The following FER1L6 variants were observed in gnomAD, a reference collection of about 807,000 sequenced individuals.
FER1L6 encodes the protein fer-1-like protein 6.
A neutral mutation model predicts 219.2 loss-of-function variants in FER1L6; 177 were observed. That is an observed-to-expected ratio of 0.81 (90% confidence interval 0.71 to 0.91). The LOEUF (loss-of-function observed/expected upper bound fraction) is 0.91, where lower values mean the gene tolerates loss of function less well. FER1L6 is among the 40% of genes least tolerant of loss of function. FER1L6 has a pLI of 0.00. For synonymous variants in FER1L6, 768 were observed against 824.3 expected (o/e 0.93, Z 1.17); for missense variants, 2,153 against 2,259.9 (o/e 0.95, Z 0.96).
chr8:124,015,588 T>TAC lies in FER1L6; in HGVS notation c.1923-2039_1923-2038insCA, dbSNP rs56775341. On this transcript the variant is annotated intron_variant, in intron 15 of 40. Coordinates refer to ENST00000522917, the MANE Select transcript of FER1L6 (RefSeq NM_001039112.2). ...TATAAAAGCTATATATATATATATA[T>TAC]ATATATATATATATATATATATATA... Among the ~76,000 whole-genome samples the TAC allele has an allele frequency of 5.6e-3, 469 of 84,398 alleles. 11 individuals are homozygous for TAC. The highest frequency in any genetic ancestry group is 0.026 in the African/African-American group (426 of 16,512). 55.4% of individuals were successfully genotyped at this position (84,398 alleles called of 152,430 possible). A position where few individuals can be genotyped will look rare whatever the true frequency, so the allele number is the denominator to read the frequency against.
chr8:124,039,965 T>G lies in FER1L6; in HGVS notation c.2548T>G (p.Phe850Val), dbSNP rs748158389. 2 of 1,614,088 alleles carry G rather than the reference T, an allele frequency of 1.2e-6. No individual in the cohort carries two copies. Among genetic ancestry groups the G allele is most frequent in the Non-Finnish European group, 1.7e-6 (2 of 1,179,990 alleles). ...AADSNGLSDP[F>V]AKVTFLSHCQ... ...TGACAGCAATGGACTTTCAGACCCT[T>G]TTGCCAAAGTCACGTTCCTTTCTCA... Residue 850 changes from phenylalanine (F) to valine (V), a missense_variant, in exon 20 of 41, where the codon TTT becomes GTT. Coordinates refer to ENST00000522917, the MANE Select transcript of FER1L6 (RefSeq NM_001039112.2).
chr8:123,936,587 A>C (rs1008725243), intron 1 of FER1L6, among the ~76,000 whole-genome samples: 1 of 150,630 alleles, frequency 6.6e-6, no homozygotes, highest in African/African-American at 2.5e-5. Context: ...AGTTGTTAAG[A>C]GGGTAACTAT....
intron 1 of FER1L6, among the ~76,000 whole-genome samples, chr8:123,887,880 G>T (rs1442377642): frequency 6.6e-6 from 1 of 152,144 alleles, no homozygotes; most frequent in African/African-American, 2.4e-5. Context: ...AAAATAGAAA[G>T]TTGAAAAAGT....
chr8:123,970,507 C>T (rs1300173910), intron 6 of FER1L6, among the ~76,000 whole-genome samples: 3 of 152,014 alleles, frequency 2.0e-5, no homozygotes, highest in Non-Finnish European at 2.9e-5. Flanking sequence ...ATCTCCTCCT[C>T]CTAGTTGGGT....
chr8:123,927,867 C>A (rs1586475680), intron 1 of FER1L6, among the ~76,000 whole-genome samples: 1 of 152,318 alleles, frequency 6.6e-6, no homozygotes, highest in East Asian at 1.9e-4. Flanking sequence ...TCCCTTCTTG[C>A]AACTTTATAT....
intron 24 of FER1L6, among the ~76,000 whole-genome samples, chr8:124,061,010 C>T (rs1019185698): frequency 2.0e-5 from 3 of 152,212 alleles, no homozygotes; most frequent in African/African-American, 7.2e-5. Flanking sequence ...TGCTCATTCT[C>T]AGGCCCGGCT....
At chr8:123,887,113 T>C (rs1166672903) in intron 1 of FER1L6, among the ~76,000 whole-genome samples, 2 of 152,164 alleles carry the variant, frequency 1.3e-5, no homozygotes, top group Non-Finnish European at 2.9e-5. Context: ...TTTCCTGAGT[T>C]CCTGTTTTCC....
intron 1 of FER1L6, 58 bp from the exon 2 acceptor site, chr8:123,955,934 C>G (rs916428895): frequency 6.7e-7 from 1 of 1,496,826 alleles, no homozygotes. Flanking sequence ...TTTACCTTCT[C>G]CTAACACGTC....
intron 38 of FER1L6, 21 bp from the exon 39 acceptor site, chr8:124,103,125 G>A: frequency 6.2e-7 from 1 of 1,610,332 alleles, no homozygotes; most frequent in Non-Finnish European, 8.5e-7. Context: ...TTCCCTAACT[G>A]TTAGGGTCAT....
At chr8:124,060,426 C>A in intron 23 of FER1L6, 122 bp from the exon 24 acceptor site, 1 of 1,459,496 alleles carries the variant, frequency 6.9e-7, no homozygotes, top group Non-Finnish European at 9.4e-7. Flanking sequence ...CTGTGCAGTT[C>A]TTTCCTGGAG....
Position 124,060,178 on chromosome 8 carries a change from A to G in FER1L6, c.2875-2A>G. On this transcript the variant is annotated splice_acceptor_variant, in intron 22 of 40. Coordinates refer to ENST00000522917, the MANE Select transcript of FER1L6 (RefSeq NM_001039112.2). LOFTEE classifies it high-confidence loss of function. ...CTAACTCATACTTGCCTTGTGCGGT[A>G]GGTTCCTCCTTCTGGGCTGCAAGGC... 1 of 1,612,344 alleles carries G rather than the reference A, an allele frequency of 6.2e-7. No homozygotes were observed. Among genetic ancestry groups the G allele is most frequent in the Non-Finnish European group, 8.5e-7 (1 of 1,178,418 alleles).
chr8:123,869,924 G>A (rs1816897636), intron 1 of FER1L6, among the ~76,000 whole-genome samples: 1 of 152,172 alleles, frequency 6.6e-6, no homozygotes, highest in Admixed American at 6.5e-5. Context: ...TTTTACAAAG[G>A]TGCAAAGGCA....
At chr8:124,076,399 C>A in intron 32 of FER1L6, 74 bp downstream of exon 32, 5 of 1,394,862 alleles carry the variant, frequency 3.6e-6, no homozygotes, top group East Asian at 2.3e-5. Flanking sequence ...GGGGATAGTG[C>A]GTGTATGTTT....
chr8:123,924,819 CCA>C (rs1813502823), intron 1 of FER1L6: 1 of 152,200 alleles, frequency 6.6e-6, no homozygotes, highest in South Asian at 2.1e-4. Flanking sequence ...GTGCAAGCAG[CCA>C]CACTTTCCTC....
chr8:123,986,199 C>G lies in FER1L6; in HGVS notation c.1519+23C>G, dbSNP rs776102178. On this transcript the variant is annotated intron_variant, in intron 12 of 40. Coordinates refer to ENST00000522917, the MANE Select transcript of FER1L6 (RefSeq NM_001039112.2). ...TTGGTAAGTACAGATAAGCACAGTG[C>G]CAGGCACATAGCATGGATTTAGTAT... 23 of 1,354,346 alleles carry G rather than the reference C, an allele frequency of 1.7e-5. No homozygotes were observed. In the South Asian group the frequency reaches 2.7e-4, roughly 16 times the overall value. The allele number at this position is 1,354,346 out of a possible 1,614,324, so 83.9% of individuals were successfully genotyped here. A position where few individuals can be genotyped will look rare whatever the true frequency, so the allele number is the denominator to read the frequency against.
At chr8:123,960,730 A>C (rs1326340563) in intron 2 of FER1L6, among the ~76,000 whole-genome samples, 2 of 152,000 alleles carry the variant, frequency 1.3e-5, no homozygotes, top group African/African-American at 4.8e-5. Context: ...TGTCGATGGA[A>C]AATCTCCCTT....
chr8:123,902,888 T>A (rs536989385), intron 1 of FER1L6, among the ~76,000 whole-genome samples: 2 of 152,276 alleles, frequency 1.3e-5, no homozygotes, highest in South Asian at 4.1e-4. Context: ...CTATTTTTGT[T>A]TTATAGGTCC....
At chr8:123,976,160 C>A in intron 9 of FER1L6, 76 bp downstream of exon 9, 2 of 1,205,234 alleles carry the variant, frequency 1.7e-6, no homozygotes, top group Non-Finnish European at 2.3e-6. Context: ...TTAATCAAAT[C>A]AAATTAATAA....
At chr8:123,886,583 T>C (rs1250611585) in intron 1 of FER1L6, among the ~76,000 whole-genome samples, 11 of 152,188 alleles carry the variant, frequency 7.2e-5, no homozygotes, top group African/African-American at 9.7e-5. Context: ...CCTCTTAAAT[T>C]ACCTAGTCTC....
Sources: allele counts gnomAD v4.1 joint callset (sites outside exome capture counted in the v4.1 genomes callset), GRCh38; gene constraint gnomAD v4.1.1; transcripts MANE v1.5; gene names NCBI Gene and HGNC (gene_info 2026-07-23, HGNC 2026-07-21).